The following GMDS variants were observed in gnomAD, a reference collection of about 807,000 sequenced individuals.
The protein encoded by GMDS is GDP-mannose 4,6-dehydratase, also known as GDP-mannose 4,6 dehydratase.
GMDS carries 20 observed loss-of-function variants against 49.9 expected under a neutral mutation model. That is an observed-to-expected ratio of 0.40 (90% confidence interval 0.28 to 0.58). GMDS has a LOEUF of 0.58. Ranked by LOEUF, GMDS falls within the 20% of genes least tolerant of loss-of-function variation. The pLI, the probability that GMDS is intolerant of heterozygous loss-of-function variation, is 0.42. For missense variants in GMDS, 362 were observed against 481.4 expected, an observed-to-expected ratio of 0.75 and a Z score of 2.32; for synonymous variants, 177 against 178.6, an observed-to-expected ratio of 0.99 and a Z score of 0.07.
intron 7 of GMDS, among the ~76,000 whole-genome samples, chr6:1,795,517 C>T (rs774217245): frequency 1.3e-5 from 2 of 152,040 alleles, no homozygotes; most frequent in Non-Finnish European, 2.9e-5. Flanking sequence ...AGTATCTATG[C>T]GTGCCTCATA....
intron 1 of GMDS, among the ~76,000 whole-genome samples, chr6:2,226,250 A>G (rs1780809258): frequency 6.6e-6 from 1 of 152,182 alleles, no homozygotes; most frequent in Non-Finnish European, 1.5e-5. Flanking sequence ...TAGAAATAAC[A>G]TGAAACCCGT....
chr6:1,833,492 C>T lies in GMDS; in HGVS notation c.772-90906G>A, dbSNP rs150272310. ...TGAAATCTAAATCCTGAATGCAGCA[C>T]ACATTTTTAAAACTTTTTTTTTTTG... is the stretch of plus-strand genomic sequence containing the variant. On this transcript the variant is annotated intron_variant, in intron 7 of 10. Transcript: ENST00000380815. This position sits in a 1 kb window ranked among gnomAD's most constrained non-coding sequence, Gnocchi z 4.4. 6.6e-6 allele frequency among the ~76,000 whole-genome samples: 1 copy of T among 152,114 alleles called. No individual in the cohort carries two copies. The highest frequency in any genetic ancestry group is 1.9e-4 in the East Asian group (1 of 5,136).
chr6:2,038,373 C>T (rs1769430297), intron 4 of GMDS, among the ~76,000 whole-genome samples: 1 of 152,152 alleles, frequency 6.6e-6, no homozygotes, highest in African/African-American at 2.4e-5. Context: ...GGAAAGACTG[C>T]CAGAAAAGCC....
chr6:2,152,717 A>G (rs1452074834), intron 1 of GMDS, among the ~76,000 whole-genome samples: 1 of 152,182 alleles, frequency 6.6e-6, no homozygotes, highest in African/African-American at 2.4e-5. Context: ...ACAAGTTACA[A>G]AAATTTGGAC....
chr6:1,892,309 A>T (rs1759908307), intron 7 of GMDS, among the ~76,000 whole-genome samples: 1 of 152,162 alleles, frequency 6.6e-6, no homozygotes, highest in Non-Finnish European at 1.5e-5. Flanking sequence ...TCTGTAATGC[A>T]TTTCAGTAAC....
At chr6:2,063,201 C>T (rs1771295778) in intron 4 of GMDS, among the ~76,000 whole-genome samples, 1 of 152,224 alleles carries the variant, frequency 6.6e-6, no homozygotes, top group South Asian at 2.1e-4. Flanking sequence ...AGATAAATCA[C>T]TACCCCTGTG....
intron 4 of GMDS, among the ~76,000 whole-genome samples, chr6:2,033,469 A>G (rs1056517860): frequency 2.0e-5 from 3 of 152,244 alleles, no homozygotes; most frequent in Admixed American, 6.5e-5. Flanking sequence ...GGTCAGGCAT[A>G]GGACAAATCC....
At chr6:1,926,198 C>T (rs1761997644) in intron 7 of GMDS, among the ~76,000 whole-genome samples, 1 of 152,196 alleles carries the variant, frequency 6.6e-6, no homozygotes, top group African/African-American at 2.4e-5. Flanking sequence ...AAAGCAAGAA[C>T]CTCAGGATAC....
At position 2,206,273 on chromosome 6, in the gene GMDS, C is replaced by A. The variant is rs142541377; in HGVS notation, c.102+39048G>T. The stretch of plus-strand genomic sequence containing the variant: ...AACTCCATCTCAAGAAAAAAAAAAG[C>A]CCGGACATCCAACTCTGAAATGAGT... On this transcript the variant is annotated intron_variant, in intron 1 of 10. Coordinates refer to ENST00000380815, the MANE Select transcript of GMDS (RefSeq NM_001500.4). 1.6e-4 allele frequency among the ~76,000 whole-genome samples: 25 copies of A among 151,804 alleles called. No homozygotes were observed. The East Asian group carries it at 4.7e-3, about 28-fold the overall frequency.
At chr6:1,859,233 G>C (rs1758077292) in intron 7 of GMDS, among the ~76,000 whole-genome samples, 1 of 152,176 alleles carries the variant, frequency 6.6e-6, no homozygotes, top group South Asian at 2.1e-4. Flanking sequence ...GTGGAACCCT[G>C]GTGCTACTTC....
chr6:2,034,782 G>A (rs1769190377), intron 4 of GMDS, among the ~76,000 whole-genome samples: 2 of 152,214 alleles, frequency 1.3e-5, no homozygotes, highest in South Asian at 4.1e-4. Context: ...ATTCTCACAC[G>A]TATACAGTGA....
chr6:1,639,684 C>T (rs910954947), intron 9 of GMDS, among the ~76,000 whole-genome samples: 1 of 152,156 alleles, frequency 6.6e-6, no homozygotes, highest in Non-Finnish European at 1.5e-5. Flanking sequence ...CTCACAAGTT[C>T]GAGATTAGCC....
intron 9 of GMDS, among the ~76,000 whole-genome samples, chr6:1,674,866 C>G (rs530976351): frequency 1.5e-5 from 2 of 132,588 alleles, no homozygotes; most frequent in Admixed American, 7.2e-5. Flanking sequence ...ATAGATCTTA[C>G]ACATAATTTT....
intron 9 of GMDS, among the ~76,000 whole-genome samples, chr6:1,709,995 T>C (rs1765889022): frequency 6.6e-6 from 1 of 152,226 alleles, no homozygotes; most frequent in African/African-American, 2.4e-5. Context: ...AAATCACACA[T>C]ATATATAAAC....
At chr6:1,916,105 T>C (rs1761375795) in intron 7 of GMDS, among the ~76,000 whole-genome samples, 1 of 152,236 alleles carries the variant, frequency 6.6e-6, no homozygotes. Context: ...CATTAAGCAT[T>C]TTTCAATATA....
intron 7 of GMDS, among the ~76,000 whole-genome samples, chr6:1,843,148 T>TAAAATAAAATA (rs1394761225): frequency 4.0e-5 from 6 of 151,626 alleles, no homozygotes; most frequent in African/African-American, 9.7e-5. Context: ...TAAAATAAAA[T>TAAAATAAAATA]AAAGAGAATT....
At chr6:1,926,580 AG>A (rs1762019019) in intron 7 of GMDS, among the ~76,000 whole-genome samples, 1 of 152,372 alleles carries the variant, frequency 6.6e-6, no homozygotes, top group African/African-American at 2.4e-5. Context: ...TTTCAGTGTC[AG>A]GGTGCATGTG....
intron 7 of GMDS, among the ~76,000 whole-genome samples, chr6:1,805,372 C>T (rs1337881752): frequency 6.6e-6 from 1 of 152,182 alleles, no homozygotes; most frequent in Admixed American, 6.5e-5. Context: ...ATACATGCCA[C>T]TGTACAGAGT....
chr6:2,170,027 A>G (rs983700935), intron 1 of GMDS, among the ~76,000 whole-genome samples: 1 of 152,070 alleles, frequency 6.6e-6, no homozygotes, highest in Admixed American at 6.5e-5. Flanking sequence ...AACATAAAGA[A>G]ACCCCATCTC....
Sources: gnomAD v4.1 joint callset for allele counts (sites outside exome capture counted in the v4.1 genomes callset) on GRCh38, gnomAD v4.1.1 for gene constraint, Gnocchi (gnomAD v3.1) non-coding constraint, MANE v1.5 for transcripts, NCBI Gene and HGNC (gene_info 2026-07-23, HGNC 2026-07-21) for gene names.